The following PRRX1 variants were observed in gnomAD, a reference collection of about 807,000 sequenced individuals.
PRRX1 encodes the protein paired mesoderm homeobox protein 1.
PRRX1 carries 8 observed loss-of-function variants against 24.0 expected under a neutral mutation model. That is an observed-to-expected ratio of 0.33 (90% CI 0.20 to 0.60). The LOEUF is 0.60. Ranked by LOEUF, PRRX1 falls within the 20% of genes least tolerant of loss-of-function variation. The pLI, the probability that PRRX1 is intolerant of heterozygous loss-of-function variation, is 0.82. For missense variants in PRRX1, 281 were observed against 322.4 expected (o/e 0.87, Z 0.98); for synonymous variants, 160 against 131.7 (o/e 1.22, Z -1.47).
rs72161621 is a variant in PRRX1, at chr1:170,705,917, G to GACACACACACAC, written c.242-13803_242-13792dup. ...GCTAAGTCACACATATACCCACATA[G>GACACACACACAC]ACACACACACACACACATACACACA... On this transcript the variant is annotated intron_variant, in intron 1 of 3. Coordinates refer to ENST00000239461, the MANE Select transcript of PRRX1 (RefSeq NM_022716.4). Among the ~76,000 whole-genome samples, 104 of 123,756 alleles carry GACACACACACAC rather than the reference G, an allele frequency of 8.4e-4. 1 individual carries two copies. Among genetic ancestry groups the GACACACACACAC allele is most frequent in the South Asian group, 2.5e-3 (9 of 3,654 alleles). The allele number at this position is 123,756 out of a possible 152,430, so 81.2% of individuals were successfully genotyped here. A position where few individuals can be genotyped will look rare whatever the true frequency, so the allele number is the denominator to read the frequency against.
chr1:170,666,341 C>A (rs1038919364), intron 1 of PRRX1, among the ~76,000 whole-genome samples: 2 of 142,958 alleles, frequency 1.4e-5, no homozygotes, highest in Non-Finnish European at 3.0e-5. Flanking sequence ...TCGCTTAAAC[C>A]CGGGAAGCAG....
chr1:170,716,616 G>A (rs962500876), intron 1 of PRRX1, among the ~76,000 whole-genome samples: 3 of 151,620 alleles, frequency 2.0e-5, no homozygotes, highest in Non-Finnish European at 4.4e-5. Flanking sequence ...TCATGTTTCC[G>A]CTGGTTATTC....
intron 1 of PRRX1, among the ~76,000 whole-genome samples, chr1:170,681,046 A>T (rs1653487067): frequency 6.6e-6 from 1 of 152,312 alleles, no homozygotes; most frequent in African/African-American, 2.4e-5. Context: ...AAATGATTCC[A>T]CTTAACTTGT....
intron 2 of PRRX1, among the ~76,000 whole-genome samples, chr1:170,722,394 A>G (rs1356203389): frequency 6.6e-6 from 1 of 151,912 alleles, no homozygotes; most frequent in Non-Finnish European, 1.5e-5. Flanking sequence ...TTCCTCATAC[A>G]CTTATCAAGC....
chr1:170,679,033 C>T (rs1332184775), intron 1 of PRRX1, among the ~76,000 whole-genome samples: 1 of 152,174 alleles, frequency 6.6e-6, no homozygotes, highest in Non-Finnish European at 1.5e-5. Flanking sequence ...TCTCCCATAG[C>T]AATTGGTATT....
At chr1:170,692,329 A>G (rs4656221) in intron 1 of PRRX1, among the ~76,000 whole-genome samples, 36,415 of 151,988 alleles carry the variant, frequency 0.24, 5,311 homozygotes, top group Middle Eastern at 0.36. Context: ...TTAAATTCTT[A>G]ATTTGAAGGG....
At chr1:170,676,373 G>A (rs12097674) in intron 1 of PRRX1, among the ~76,000 whole-genome samples, 121 of 150,844 alleles carry the variant, frequency 8.0e-4, no homozygotes, top group African/African-American at 2.8e-3. Context: ...TTTCTGGGTG[G>A]TGAGAATATC....
At chr1:170,704,711 A>T (rs1654501575) in intron 1 of PRRX1, among the ~76,000 whole-genome samples, 2 of 152,230 alleles carry the variant, frequency 1.3e-5, no homozygotes, top group Admixed American at 1.3e-4. Flanking sequence ...ATAAAATGGT[A>T]AATAGATTTT....
In PRRX1 at chr1:170,736,063, T is replaced by C. The variant is rs779313262; in HGVS notation, c.615T>C (p.Tyr205=). The C allele has an allele frequency of 6.8e-6, 11 of 1,614,076 alleles. No homozygotes were observed. The highest frequency in any genetic ancestry group is 7.6e-6 in the Non-Finnish European group (9 of 1,179,936). ...TASPYSAMAT[Y]SATCANNSPA... ...GTCCCTACAGCGCCATGGCTACTTATTCTGCCACATGTGCCAACAATAGCC... is the reference window on the plus strand; with the variant it reads ...GTCCCTACAGCGCCATGGCTACTTACTCTGCCACATGTGCCAACAATAGCC... Residue 205 remains tyrosine, a synonymous_variant, in exon 4 of 4, where the codon TAT becomes TAC. Coordinates refer to ENST00000239461, the MANE Select transcript of PRRX1 (RefSeq NM_022716.4).
intron 3 of PRRX1, chr1:170,730,154 TATCCTTGTCCACAGCTTCCCTCCCC>T (rs2101925198): frequency 1.2e-6 from 1 of 862,938 alleles, no homozygotes; most frequent in South Asian, 1.3e-5. Flanking sequence ...AGAGGTCAGC[TATCCTTGTCCACAGCTTCCCTCCCC>T]ATCCTTCTCC....
chr1:170,710,091 A>C (rs1196899607), intron 1 of PRRX1, among the ~76,000 whole-genome samples: 1 of 152,168 alleles, frequency 6.6e-6, no homozygotes, highest in Admixed American at 6.6e-5. Flanking sequence ...TGCTGTGGGC[A>C]TGGAGGAATA....
At chr1:170,694,560 T>C (rs572001607) in intron 1 of PRRX1, among the ~76,000 whole-genome samples, 1 of 152,230 alleles carries the variant, frequency 6.6e-6, no homozygotes, top group African/African-American at 2.4e-5. Flanking sequence ...AGTATGAGGG[T>C]ACTTATGGGG....
At chr1:170,689,183 G>T (rs12723586) in intron 1 of PRRX1, among the ~76,000 whole-genome samples, 20,566 of 151,838 alleles carry the variant, frequency 0.14, 1,741 homozygotes, top group East Asian at 0.43. Flanking sequence ...ATTTCAAAAA[G>T]ATTAATAAAA....
chr1:170,720,022 C>A, intron 2 of PRRX1, 121 bp downstream of exon 2: 1 of 1,334,410 alleles, frequency 7.5e-7, no homozygotes, highest in Non-Finnish European at 1.0e-6. Context: ...AATCTCAGCA[C>A]GTTGGGAGGT....
At chr1:170,688,975 A>T (rs1463238771) in intron 1 of PRRX1, among the ~76,000 whole-genome samples, 1 of 152,140 alleles carries the variant, frequency 6.6e-6, no homozygotes, top group Non-Finnish European at 1.5e-5. Flanking sequence ...ATACATTAGA[A>T]ATCAATAGCA....
At chr1:170,665,347 G>T (rs1652881993) in intron 1 of PRRX1, among the ~76,000 whole-genome samples, 1 of 152,126 alleles carries the variant, frequency 6.6e-6, no homozygotes, top group African/African-American at 2.4e-5. Flanking sequence ...ATCTCGCTTC[G>T]CTAGTGCCTT....
chr1:170,695,107 A>C (rs1654124764), intron 1 of PRRX1, among the ~76,000 whole-genome samples: 1 of 152,124 alleles, frequency 6.6e-6, no homozygotes, highest in Admixed American at 6.6e-5. Context: ...TGAAGGCCTG[A>C]TTTGCAAGAT....
At position 170,687,501 on chromosome 1, in the gene PRRX1, G is replaced by C. The variant is rs116244525; in HGVS notation, c.241+23042G>C. Among the ~76,000 whole-genome samples, 768 of 152,262 alleles carry C rather than the reference G, an allele frequency of 5.0e-3. 10 individuals carry two copies. The highest frequency in any genetic ancestry group is 0.018 in the African/African-American group (731 of 41,534). On this transcript the variant is annotated intron_variant, in intron 1 of 3. Transcript: ENST00000239461. ...ACACAAGGGCTAAGAACATGGACTT[G>C]ATATAGCGCCCTTCTCCCGTCACTT...
chr1:170,691,084 G>A (rs557013115), intron 1 of PRRX1, among the ~76,000 whole-genome samples: 1 of 152,210 alleles, frequency 6.6e-6, no homozygotes, highest in East Asian at 1.9e-4. Flanking sequence ...GAAAGCTATC[G>A]AGAGAGCAAG....
Sources: gnomAD v4.1 joint callset for allele counts (sites outside exome capture counted in the v4.1 genomes callset) on GRCh38, gnomAD v4.1.1 for gene constraint, MANE v1.5 for transcripts, NCBI Gene and HGNC (gene_info 2026-07-23, HGNC 2026-07-21) for gene names.